The following DHX29 variants were observed in gnomAD, a reference collection of about 807,000 sequenced individuals.
DHX29 encodes the protein DExH-box helicase 29.
DHX29 carries 79 observed loss-of-function variants against 167.9 expected under a neutral mutation model. That is an observed-to-expected ratio of 0.47 (90% CI 0.39 to 0.57). DHX29 has a LOEUF of 0.57. Ranked by LOEUF, DHX29 falls within the 20% of genes least tolerant of loss-of-function variation. The pLI is 0.00. For missense variants in DHX29, 1,347 were observed against 1,593.4 expected (o/e 0.85, Z 2.63); for synonymous variants, 530 against 546.0 (o/e 0.97, Z 0.41).
chr5:55,268,387 T>C (rs991033937), intron 21 of DHX29, among the ~76,000 whole-genome samples: 4 of 152,188 alleles, frequency 2.6e-5, no homozygotes, highest in Non-Finnish European at 1.5e-5. Context: ...AGAGAGACTA[T>C]AGTAATAAGT....
At position 55,269,468 on chromosome 5, in the gene DHX29, A is replaced by G; in HGVS notation, c.3239T>C (p.Val1080Ala). Residue 1080 changes from valine (V) to alanine (A), a missense_variant, in exon 21 of 27, where the codon GTC (valine) becomes GCC (alanine). Transcript: ENST00000251636. ...GQHLAALPVN[V>A]KIGKMLIFGA... Reference sequence around the variant, plus strand: ...AAAAATAAGCATCTTGCCAATCTTGACATTCACAGGTAAAGCTGCAAGGTG... The same window carrying G: ...AAAAATAAGCATCTTGCCAATCTTGGCATTCACAGGTAAAGCTGCAAGGTG... The G allele has an allele frequency of 6.2e-7, 1 of 1,613,926 alleles. No homozygotes were observed. Among genetic ancestry groups the G allele is most frequent in the Non-Finnish European group, 8.5e-7 (1 of 1,180,022 alleles).
At position 55,298,678 on chromosome 5, in the gene DHX29, T is replaced by C. The variant is rs185933130; in HGVS notation, c.188-14A>G. ...AAATTTTTGGACCTGTAAATACAAA[T>C]AGACAAGGCAATTTAATGATTAATA... On this transcript the variant is annotated splice_polypyrimidine_tract_variant and intron_variant, in intron 1 of 26. Coordinates refer to ENST00000251636, the MANE Select transcript of DHX29 (RefSeq NM_019030.4). 1,064 of 1,255,242 alleles carry C rather than the reference T, an allele frequency of 8.5e-4. 10 individuals carry two copies. The Middle Eastern group carries it at 0.019, about 23-fold the overall frequency. The allele number at this position is 1,255,242 out of a possible 1,614,324, so 77.8% of individuals were successfully genotyped here. A position where few individuals can be genotyped will look rare whatever the true frequency, so the allele number is the denominator to read the frequency against.
intron 20 of DHX29, 55 bp from the exon 21 acceptor site, chr5:55,269,692 C>T: frequency 5.6e-6 from 8 of 1,419,794 alleles, no homozygotes; most frequent in Non-Finnish European, 7.9e-6. Flanking sequence ...GAACACTACC[C>T]AATGAGATGT....
At chr5:55,286,435 A>T (rs16884009) in intron 8 of DHX29, among the ~76,000 whole-genome samples, 2 of 152,058 alleles carry the variant, frequency 1.3e-5, no homozygotes, top group East Asian at 3.9e-4. Context: ...TGATGAACTT[A>T]GGATACTACA....
At chr5:55,272,055 A>G (rs1328790598) in intron 18 of DHX29, 32 bp downstream of exon 18, 4 of 1,342,908 alleles carry the variant, frequency 3.0e-6, no homozygotes, top group Non-Finnish European at 1.0e-6. Context: ...TTCCAGGTTA[A>G]AAATGTTTTG....
chr5:55,285,562 G>T (rs1747677117), intron 9 of DHX29, 134 bp downstream of exon 9: 1 of 1,233,528 alleles, frequency 8.1e-7, no homozygotes, highest in Non-Finnish European at 1.1e-6. Flanking sequence ...TAATCTATCA[G>T]ACAATAAACC....
At chr5:55,281,694 G>A (rs1490906442) in intron 11 of DHX29, among the ~76,000 whole-genome samples, 179 bp from the exon 12 acceptor site, 1 of 151,644 alleles carries the variant, frequency 6.6e-6, no homozygotes, top group African/African-American at 2.4e-5. Context: ...TCTATTTAGT[G>A]CAATTTATTA....
chr5:55,286,770 A>G (rs112645945), intron 8 of DHX29, among the ~76,000 whole-genome samples: 8 of 152,358 alleles, frequency 5.3e-5, no homozygotes, highest in African/African-American at 1.4e-4. Flanking sequence ...CTTCTTACTC[A>G]TATTTGGCTA....
In DHX29 at chr5:55,298,643, T is replaced by C; in HGVS notation, c.209A>G (p.Asn70Ser). 2 of 1,535,900 alleles carry C rather than the reference T, an allele frequency of 1.3e-6. No individual in the cohort carries two copies. Among genetic ancestry groups the C allele is most frequent in the Non-Finnish European group, 1.8e-6 (2 of 1,110,816 alleles). The change falls in exon 2 of 27, where the codon AAT becomes AGT. Residue 70 changes from asparagine (N) to serine (S), a missense_variant. By Grantham distance (46) the Asn-to-Ser change is conservative. Around this residue, in one of 3 missense-constraint regions of DHX29, gnomAD observed 405 missense variants for 416.8 expected, o/e 0.97. Transcript: ENST00000251636. Reference sequence around the variant, plus strand: ...AGGACCACTAGAATCATTTGTAGAATTAAAACTATAAATTTTTGGACCTGT... The same window carrying C: ...AGGACCACTAGAATCATTTGTAGAACTAAAACTATAAATTTTTGGACCTGT... Reference protein sequence around the residue: ...VKQGPKIYSFNSTNDSSGPAN... With the variant: ...VKQGPKIYSFSSTNDSSGPAN...
chr5:55,299,110 C>T (rs78807322), intron 1 of DHX29, among the ~76,000 whole-genome samples: 1,554 of 151,542 alleles, frequency 0.01, 26 homozygotes, highest in African/African-American at 0.034. Context: ...CAATACTTCA[C>T]CAAATAACTC....
chr5:55,264,684 G>T (rs1004243478), intron 23 of DHX29, among the ~76,000 whole-genome samples: 6 of 152,044 alleles, frequency 3.9e-5, no homozygotes, highest in African/African-American at 1.4e-4. Context: ...CATCTGTAGA[G>T]AACTAAAACA....
intron 25 of DHX29, 41 bp from the exon 26 acceptor site, chr5:55,259,985 G>T (rs1198029177): frequency 8.2e-7 from 1 of 1,224,796 alleles, no homozygotes; most frequent in Non-Finnish European, 1.2e-6. Context: ...GTCAATCCAG[G>T]GCAGTGTGAA....
chr5:55,285,006 C>T (rs940790207), intron 10 of DHX29, among the ~76,000 whole-genome samples: 2 of 152,140 alleles, frequency 1.3e-5, no homozygotes, highest in Non-Finnish European at 2.9e-5. Context: ...GGCAACATAA[C>T]AAGATGCTGT....
chr5:55,273,015 CT>C (rs1306536685), intron 17 of DHX29, among the ~76,000 whole-genome samples: 1 of 151,736 alleles, frequency 6.6e-6, no homozygotes, highest in African/African-American at 2.4e-5. Flanking sequence ...AAAGTTGTGA[CT>C]TTTTTTCCTC....
chr5:55,294,457 A>C (rs1240364721), intron 5 of DHX29, among the ~76,000 whole-genome samples: 1 of 152,180 alleles, frequency 6.6e-6, no homozygotes, highest in Non-Finnish European at 1.5e-5. Context: ...GGCGGATCAC[A>C]AGGTCAGGAG....
chr5:55,292,645 T>A (rs1365712718), intron 6 of DHX29, among the ~76,000 whole-genome samples: 1 of 152,186 alleles, frequency 6.6e-6, no homozygotes, highest in African/African-American at 2.4e-5. Context: ...TCTTCCAGTC[T>A]CAGGTGAACT....
At chr5:55,299,006 CGGCCT>C (rs1748466306) in intron 1 of DHX29, among the ~76,000 whole-genome samples, 1 of 140,528 alleles carries the variant, frequency 7.1e-6, no homozygotes, top group Non-Finnish European at 1.5e-5. Flanking sequence ...GTCCGCAGTC[CGGCCT>C]GGGCGACAGA....
At chr5:55,274,475 A>T in intron 16 of DHX29, 139 bp downstream of exon 16, 1 of 591,900 alleles carries the variant, frequency 1.7e-6, no homozygotes, top group Non-Finnish European at 2.9e-6. Flanking sequence ...GGAAGTGTTT[A>T]AAGAAAAAAA....
At chr5:55,259,522 T>C (rs1420432561) in intron 26 of DHX29, among the ~76,000 whole-genome samples, 7 of 152,236 alleles carry the variant, frequency 4.6e-5, no homozygotes, top group Non-Finnish European at 7.3e-5. Context: ...TCATGTGATC[T>C]TGGCGCTCAC....
Sources: allele counts gnomAD v4.1 joint callset (sites outside exome capture counted in the v4.1 genomes callset), GRCh38; gene constraint gnomAD v4.1.1; regional missense constraint gnomAD v4.1.1; transcripts MANE v1.5; gene names NCBI Gene and HGNC (gene_info 2026-07-23, HGNC 2026-07-21).